Variants in ATRNL1 observed in about 807,000 individuals in gnomAD.
ATRNL1 encodes attractin-like protein 1.
ATRNL1 carries 95 observed loss-of-function variants against 182.7 expected under a neutral mutation model. The observed-to-expected ratio is 0.52, with a 90% CI of 0.44 to 0.62. ATRNL1 has a LOEUF of 0.62. Among genes scored for constraint, ATRNL1 ranks in the 20% least tolerant of loss-of-function variants. ATRNL1 has a pLI of 0.00. For synonymous variants in ATRNL1, 576 were observed against 568.3 expected (o/e 1.01, Z -0.19); for missense variants, 1,471 against 1,679.5 (o/e 0.88, Z 2.17).
intron 8 of ATRNL1, among the ~76,000 whole-genome samples, chr10:115,177,785 A>G (rs1397919695): frequency 6.6e-6 from 1 of 151,282 alleles, no homozygotes; most frequent in Non-Finnish European, 1.5e-5. Context: ...CTTGATTAAT[A>G]TGAAAATGTT....
At chr10:115,932,680 A>T (rs1466400105) in intron 28 of ATRNL1, among the ~76,000 whole-genome samples, 2 of 149,322 alleles carry the variant, frequency 1.3e-5, no homozygotes, top group Non-Finnish European at 2.9e-5. Context: ...CTTTGCAGAG[A>T]TCATTGTATA....
chr10:115,203,610 T>G (rs1006905083), intron 8 of ATRNL1, among the ~76,000 whole-genome samples: 11 of 147,872 alleles, frequency 7.4e-5, no homozygotes, highest in African/African-American at 2.5e-4. Flanking sequence ...GATGGAGTCT[T>G]GCTCTGTCAC....
intron 27 of ATRNL1, among the ~76,000 whole-genome samples, chr10:115,797,957 G>T (rs1191802607): frequency 7.2e-5 from 11 of 151,974 alleles, no homozygotes; most frequent in African/African-American, 2.7e-4. Flanking sequence ...TCGCTCTGTT[G>T]CCCAGGCTGC....
intron 26 of ATRNL1, among the ~76,000 whole-genome samples, chr10:115,661,922 T>TC (rs1254182873): frequency 2.9e-5 from 1 of 34,060 alleles, no homozygotes; most frequent in East Asian, 1.0e-3. Flanking sequence ...CCCTCCCCCC[T>TC]CCCCCCTCCT....
intron 8 of ATRNL1, among the ~76,000 whole-genome samples, chr10:115,203,392 A>G (rs1554892969): frequency 6.6e-6 from 1 of 152,066 alleles, no homozygotes; most frequent in Non-Finnish European, 1.5e-5. Flanking sequence ...GGTTCACAGT[A>G]AATAATAGCC....
intron 24 of ATRNL1, among the ~76,000 whole-genome samples, chr10:115,503,165 T>C (rs781886071): frequency 6.6e-6 from 1 of 152,160 alleles, no homozygotes; most frequent in Admixed American, 6.5e-5. Context: ...AGGATACACA[T>C]ATGTAATAAC....
chr10:115,105,194 T>A, intron 1 of ATRNL1, among the ~76,000 whole-genome samples: 1 of 152,310 alleles, frequency 6.6e-6, no homozygotes, highest in East Asian at 1.9e-4. Flanking sequence ...GCATGAAATA[T>A]CTTTCCATTT....
At chr10:115,293,125 C>T (rs1852999430) in intron 15 of ATRNL1, among the ~76,000 whole-genome samples, 1 of 151,930 alleles carries the variant, frequency 6.6e-6, no homozygotes, top group Non-Finnish European at 1.5e-5. Flanking sequence ...ATCTCTTTTA[C>T]AGCTTTTGAG....
At chr10:115,303,911 A>G (rs1345903120) in intron 17 of ATRNL1, among the ~76,000 whole-genome samples, 1 of 152,094 alleles carries the variant, frequency 6.6e-6, no homozygotes, top group Non-Finnish European at 1.5e-5. Flanking sequence ...TGAGATAGGG[A>G]AAGCAACAGT....
intron 27 of ATRNL1, among the ~76,000 whole-genome samples, chr10:115,772,593 C>CTCTG (rs1555076680): frequency 2.4e-5 from 3 of 125,620 alleles, no homozygotes; most frequent in Admixed American, 7.9e-5. Context: ...AATATATACT[C>CTCTG]TGTCTGTGTG....
intron 9 of ATRNL1, among the ~76,000 whole-genome samples, chr10:115,232,685 TTGTG>T (rs141712079): frequency 1.3e-5 from 2 of 150,054 alleles, no homozygotes; most frequent in African/African-American, 2.4e-5. Flanking sequence ...ATAAGGACTT[TTGTG>T]TGTGTGTGTG....
At chr10:115,478,733 A>G (rs1554973602) in intron 24 of ATRNL1, among the ~76,000 whole-genome samples, 1 of 151,672 alleles carries the variant, frequency 6.6e-6, no homozygotes, top group Non-Finnish European at 1.5e-5. Context: ...TTATCTTTTG[A>G]ATTAGGGTAA....
At chr10:115,320,888 C>T (rs1449172306) in intron 18 of ATRNL1, among the ~76,000 whole-genome samples, 4 of 152,136 alleles carry the variant, frequency 2.6e-5, no homozygotes, top group African/African-American at 7.2e-5. Context: ...TCCATCTCAT[C>T]GTCTGTCCAG....
intron 27 of ATRNL1, among the ~76,000 whole-genome samples, chr10:115,731,305 A>G (rs1278077961): frequency 1.3e-5 from 2 of 152,154 alleles, no homozygotes; most frequent in African/African-American, 4.8e-5. Context: ...TGTGGCCCAT[A>G]TTATCTCCAT....
intron 1 of ATRNL1, among the ~76,000 whole-genome samples, chr10:115,113,147 T>C (rs187090957): frequency 1.1e-3 from 166 of 152,262 alleles, no homozygotes; most frequent in African/African-American, 3.9e-3. Context: ...ATGGCAGCAG[T>C]TTTTTGGGAT....
intron 19 of ATRNL1, among the ~76,000 whole-genome samples, chr10:115,370,163 A>G (rs1188986634): frequency 1.3e-5 from 2 of 152,198 alleles, no homozygotes; most frequent in African/African-American, 4.8e-5. Flanking sequence ...CTCCCCAGCC[A>G]TGTGGAACTG....
intron 28 of ATRNL1, among the ~76,000 whole-genome samples, chr10:115,939,353 A>T (rs1321556474): frequency 6.6e-6 from 1 of 152,178 alleles, no homozygotes; most frequent in African/African-American, 2.4e-5. Flanking sequence ...GACCATGGAA[A>T]ATTGAACAGG....
At chr10:115,726,566 G>A (rs1947603111) in intron 26 of ATRNL1, among the ~76,000 whole-genome samples, 1 of 152,144 alleles carries the variant, frequency 6.6e-6, no homozygotes, top group Admixed American at 6.5e-5. Flanking sequence ...GTTTTAGCCT[G>A]GGCACAGCCC....
At chr10:115,194,288 G>A (rs1848274392) in intron 8 of ATRNL1, among the ~76,000 whole-genome samples, 1 of 151,978 alleles carries the variant, frequency 6.6e-6, no homozygotes, top group Non-Finnish European at 1.5e-5. Flanking sequence ...TCCTAAAAAT[G>A]TGCTGTTGAA....
Sources: gnomAD v4.1 joint callset for allele counts (sites outside exome capture counted in the v4.1 genomes callset) on GRCh38, gnomAD v4.1.1 for gene constraint, MANE v1.5 for transcripts, NCBI Gene and HGNC (gene_info 2026-07-23, HGNC 2026-07-21) for gene names.